The following CCDC7 variants were observed in gnomAD, a reference collection of about 807,000 sequenced individuals.
The protein encoded by CCDC7 is coiled-coil domain-containing protein 7.
CCDC7 carries 183 observed loss-of-function variants against 196.9 expected under a neutral mutation model. That is an observed-to-expected ratio of 0.93 (90% CI 0.82 to 1.05). The LOEUF is 1.05. CCDC7 is among the 50% of genes least tolerant of loss of function. The pLI, the probability that CCDC7 is intolerant of heterozygous loss-of-function variation, is 0.00. For missense variants in CCDC7, 1,540 were observed against 1,482.2 expected, an observed-to-expected ratio of 1.04 and a Z score of -0.64; for synonymous variants, 525 against 484.6, an observed-to-expected ratio of 1.08 and a Z score of -1.10.
intron 25 of CCDC7, among the ~76,000 whole-genome samples, chr10:32,715,713 C>G (rs539798645): frequency 6.6e-6 from 1 of 152,052 alleles, no homozygotes; most frequent in East Asian, 1.9e-4. Context: ...ATAAATGACC[C>G]GATGGAGCTG....
At chr10:32,567,323 G>T (rs1353516006) in intron 14 of CCDC7, among the ~76,000 whole-genome samples, 3 of 151,072 alleles carry the variant, frequency 2.0e-5, no homozygotes, top group Non-Finnish European at 4.4e-5. Flanking sequence ...GATATTATAG[G>T]TGCTAATTAT....
chr10:32,647,352 G>GA (rs896313562), intron 20 of CCDC7, among the ~76,000 whole-genome samples: 6 of 151,484 alleles, frequency 4.0e-5, no homozygotes, highest in Non-Finnish European at 8.8e-5. Context: ...ACTGAAAATA[G>GA]AAAAAAAACA....
intron 8 of CCDC7, among the ~76,000 whole-genome samples, chr10:32,474,533 G>A (rs763211855): frequency 2.6e-5 from 4 of 151,932 alleles, no homozygotes; most frequent in African/African-American, 9.7e-5. Context: ...CACTGCGCCC[G>A]GCCTAGATTA....
intron 29 of CCDC7, among the ~76,000 whole-genome samples, chr10:32,799,354 A>C (rs1393602923): frequency 2.0e-5 from 3 of 152,148 alleles, no homozygotes; most frequent in Non-Finnish European, 4.4e-5. Flanking sequence ...CACTTCACGC[A>C]CCATTGGGTA....
intron 29 of CCDC7, among the ~76,000 whole-genome samples, chr10:32,782,471 G>A (rs2081214323): frequency 6.6e-6 from 1 of 152,034 alleles, no homozygotes; most frequent in South Asian, 2.1e-4. Flanking sequence ...CAAGTGATTC[G>A]TCTGCCTTGG....
At chr10:32,707,506 A>C (rs571601610) in intron 24 of CCDC7, among the ~76,000 whole-genome samples, 1 of 152,354 alleles carries the variant, frequency 6.6e-6, no homozygotes, top group East Asian at 1.9e-4. Flanking sequence ...AAAGGTATTC[A>C]ATTAGGAAAA....
intron 28 of CCDC7, among the ~76,000 whole-genome samples, chr10:32,766,353 C>A (rs1455411013): frequency 6.6e-6 from 1 of 151,892 alleles, no homozygotes; most frequent in Non-Finnish European, 1.5e-5. Context: ...ACTGAGTGAC[C>A]TGGAAATCTG....
At chr10:32,633,696 A>ATATGTGTG (rs779341941) in intron 18 of CCDC7, among the ~76,000 whole-genome samples, 98 of 135,226 alleles carry the variant, frequency 7.2e-4, no homozygotes, top group African/African-American at 2.5e-3. Flanking sequence ...ATATATATAT[A>ATATGTGTG]TGTGTGTGTG....
chr10:32,545,703 C>T (rs1271652571), intron 13 of CCDC7, among the ~76,000 whole-genome samples: 3 of 151,922 alleles, frequency 2.0e-5, no homozygotes, highest in Non-Finnish European at 4.4e-5. Flanking sequence ...GTCAGGAGTT[C>T]GAGACTAGCC....
Position 32,666,835 on chromosome 10 carries a change from T to C in CCDC7, c.2122+2674T>C, listed in dbSNP as rs574347678. Among the ~76,000 whole-genome samples, 13 of 152,246 alleles carry C rather than the reference T, an allele frequency of 8.5e-5. No homozygotes were observed. The South Asian group carries it at 2.5e-3, about 29-fold the overall frequency. ...ATTGTGAATAGTGCCACAATAAACA[T>C]ACGTGTGCATGTGTCTTTATAGCAG... On this transcript the variant is annotated intron_variant, in intron 21 of 41. Coordinates refer to ENST00000639629, the Ensembl canonical transcript of CCDC7.
intron 13 of CCDC7, among the ~76,000 whole-genome samples, chr10:32,553,617 T>G (rs566539743): frequency 6.6e-6 from 1 of 152,272 alleles, no homozygotes; most frequent in Admixed American, 6.5e-5. Flanking sequence ...GTTCCCTTGA[T>G]GTAGTACTCT....
intron 9 of CCDC7, among the ~76,000 whole-genome samples, chr10:32,503,303 A>C (rs2135035663): frequency 6.6e-6 from 1 of 152,260 alleles, no homozygotes; most frequent in East Asian, 1.9e-4. Flanking sequence ...GGATTTTATT[A>C]TATTAAGGTA....
chr10:32,499,877 C>T (rs1171357856), intron 9 of CCDC7, among the ~76,000 whole-genome samples: 1 of 152,120 alleles, frequency 6.6e-6, no homozygotes, highest in African/African-American at 2.4e-5. Context: ...CCATTTAACC[C>T]TTAGTGGACA....
chr10:32,651,694 G>T (rs1591135309), intron 20 of CCDC7, among the ~76,000 whole-genome samples: 1 of 152,274 alleles, frequency 6.6e-6, no homozygotes, highest in East Asian at 1.9e-4. Flanking sequence ...GGGTTGGAAT[G>T]TCCCTGGTCG....
intron 21 of CCDC7, among the ~76,000 whole-genome samples, chr10:32,681,005 T>A (rs1490099153): frequency 6.6e-6 from 1 of 152,190 alleles, no homozygotes; most frequent in African/African-American, 2.4e-5. Context: ...TGAGCACCCC[T>A]TGGTTACTAC....
At chr10:32,475,299 A>G (rs1027038959) in intron 8 of CCDC7, among the ~76,000 whole-genome samples, 1 of 152,188 alleles carries the variant, frequency 6.6e-6, no homozygotes, top group Non-Finnish European at 1.5e-5. Flanking sequence ...TGGGGTCATC[A>G]CAGGGCCTTT....
intron 13 of CCDC7, among the ~76,000 whole-genome samples, chr10:32,562,563 T>G (rs1361581447): frequency 1.3e-5 from 2 of 152,160 alleles, no homozygotes; most frequent in Non-Finnish European, 2.9e-5. Context: ...CATGATTATC[T>G]CAATAGATGC....
At chr10:32,838,512 T>C (rs1328024812) in intron 33 of CCDC7, among the ~76,000 whole-genome samples, 1 of 152,050 alleles carries the variant, frequency 6.6e-6, no homozygotes, top group African/African-American at 2.4e-5. Flanking sequence ...CTGAGAATAA[T>C]TGGAGTTCCT....
chr10:32,697,352 G>A (rs973780029), intron 24 of CCDC7, among the ~76,000 whole-genome samples: 1 of 152,202 alleles, frequency 6.6e-6, no homozygotes, highest in African/African-American at 2.4e-5. Context: ...AGCCCACAGA[G>A]TGTGAGCCAA....
Sources: gnomAD v4.1 joint callset for allele counts (sites outside exome capture counted in the v4.1 genomes callset) on GRCh38, gnomAD v4.1.1 for gene constraint, MANE v1.5 for transcripts, NCBI Gene and HGNC (gene_info 2026-07-23, HGNC 2026-07-21) for gene names.